COL13A1: variants seen among roughly 807,000 people sequenced by gnomAD.
The protein encoded by COL13A1 is collagen type XIII alpha 1 chain.
COL13A1 carries 89 observed loss-of-function variants against 130.9 expected under a neutral mutation model. That is an observed-to-expected ratio of 0.68 (90% CI 0.57 to 0.81). The LOEUF is 0.81. Among genes scored for constraint, COL13A1 ranks in the 30% least tolerant of loss-of-function variants. COL13A1 has a pLI of 0.00. For synonymous variants in COL13A1, 402 were observed against 341.6 expected (o/e 1.18, Z -1.95); for missense variants, 879 against 934.6 (o/e 0.94, Z 0.78).
intron 17 of COL13A1, among the ~76,000 whole-genome samples, chr10:69,914,653 C>T (rs193154868): frequency 6.6e-6 from 1 of 152,296 alleles, no homozygotes; most frequent in Admixed American, 6.5e-5. Flanking sequence ...CCCACCTGCA[C>T]CCACACCAGA....
chr10:69,922,683 T>C, intron 22 of COL13A1, 25 bp from the exon 23 acceptor site: 1 of 1,576,106 alleles, frequency 6.3e-7, no homozygotes, highest in Non-Finnish European at 8.6e-7. Context: ...ACACCAGGGA[T>C]GCTAACTCCA....
Position 69,904,905 on chromosome 10 carries a change from C to CTTTTTTTTT in COL13A1, c.859-19_859-11dup, listed in dbSNP as rs60054259. 2.0e-4 allele frequency: 297 copies of CTTTTTTTTT among 1,475,622 alleles called. 3 individuals carry two copies. The highest frequency in any genetic ancestry group is 6.8e-4 in the Admixed American group (31 of 45,332). 91.4% of individuals were successfully genotyped at this position (1,475,622 alleles called of 1,614,324 possible). ...CAGCTCTACTCACCTTTTCTTTTTT[C>CTTTTTTTTT]TTTTTTTTTTTTTTTTTGCTTCCAC... On this transcript the variant is annotated intron_variant, in intron 15 of 40. Transcript: ENST00000645393.
chr10:69,841,308 C>G (rs559458718), intron 2 of COL13A1, among the ~76,000 whole-genome samples: 2 of 152,286 alleles, frequency 1.3e-5, no homozygotes, highest in East Asian at 1.9e-4. Context: ...CTGCCACTGC[C>G]GAAAGCTTCC....
At chr10:69,818,903 A>G (rs923059793) in intron 1 of COL13A1, among the ~76,000 whole-genome samples, 2 of 152,222 alleles carry the variant, frequency 1.3e-5, no homozygotes, top group African/African-American at 2.4e-5. Flanking sequence ...TTTCCCAGCT[A>G]TCTGGGCATC....
At chr10:69,952,617 A>C (rs1052861112) in intron 38 of COL13A1, among the ~76,000 whole-genome samples, 2 of 152,164 alleles carry the variant, frequency 1.3e-5, no homozygotes, top group Non-Finnish European at 2.9e-5. Flanking sequence ...CAAAATCTTC[A>C]GTCTGTGGTT....
chr10:69,812,952 C>A (rs1843431267), intron 1 of COL13A1, among the ~76,000 whole-genome samples: 1 of 152,204 alleles, frequency 6.6e-6, no homozygotes, highest in Non-Finnish European at 1.5e-5. Flanking sequence ...GCTCTCAGCT[C>A]CTTGCCCCTT....
Position 69,894,594 on chromosome 10 carries a change from A to G in COL13A1, c.630+16A>G. On this transcript the variant is annotated intron_variant, in intron 11 of 40. Coordinates refer to ENST00000645393, the MANE Select transcript of COL13A1 (RefSeq NM_001368882.1). ...AGGACAGCCGGTTGGTACCTCATCC[A>G]TCTATTTCCCAGCAGAGAAGCTTCC... The G allele has an allele frequency of 6.2e-7, 1 of 1,613,992 alleles. No homozygotes were observed. Among genetic ancestry groups the G allele is most frequent in the Non-Finnish European group, 8.5e-7 (1 of 1,179,898 alleles).
intron 2 of COL13A1, among the ~76,000 whole-genome samples, chr10:69,841,076 C>T (rs947647670): frequency 6.6e-6 from 1 of 152,018 alleles, no homozygotes; most frequent in African/African-American, 2.4e-5. Flanking sequence ...GCCCCCCTGC[C>T]CCACTTCCCT....
intron 21 of COL13A1, 107 bp downstream of exon 21, chr10:69,919,834 G>T: frequency 2.5e-6 from 1 of 398,156 alleles, no homozygotes; most frequent in Non-Finnish European, 4.4e-6. Flanking sequence ...CGTGCTGTTG[G>T]TGCATGTGTT....
intron 2 of COL13A1, among the ~76,000 whole-genome samples, chr10:69,844,615 T>C (rs2133335876): frequency 1.3e-5 from 2 of 152,326 alleles, no homozygotes; most frequent in East Asian, 1.9e-4. Context: ...AAAGTGACCC[T>C]AGAGAAGGGT....
At chr10:69,851,612 TTTTTA>T (rs1854838660) in intron 2 of COL13A1, among the ~76,000 whole-genome samples, 3 of 152,122 alleles carry the variant, frequency 2.0e-5, no homozygotes, top group Non-Finnish European at 2.9e-5. Context: ...TGAACTGAAT[TTTTTA>T]TTTTATTTCC....
At chr10:69,921,854 C>G (rs2064721596) in intron 21 of COL13A1, 28 bp from the exon 22 acceptor site, 1 of 1,594,876 alleles carries the variant, frequency 6.3e-7, no homozygotes, top group Non-Finnish European at 8.5e-7. Context: ...CAGTTCCTAA[C>G]CCCCACACTG....
chr10:69,940,356 A>G (rs2067456404), intron 34 of COL13A1, among the ~76,000 whole-genome samples: 1 of 152,206 alleles, frequency 6.6e-6, no homozygotes, highest in Admixed American at 6.5e-5. Context: ...TGAGCATCTC[A>G]GACTGTAAAG....
chr10:69,854,368 C>A (rs977213069), intron 2 of COL13A1, among the ~76,000 whole-genome samples: 3 of 152,098 alleles, frequency 2.0e-5, no homozygotes, highest in African/African-American at 7.2e-5. Flanking sequence ...GAGTTCAAGA[C>A]CAGCCTAGGC....
intron 36 of COL13A1, among the ~76,000 whole-genome samples, chr10:69,944,694 G>GAAAGAAAAAGAA (rs370078177): frequency 6.7e-6 from 1 of 149,034 alleles, no homozygotes; most frequent in Non-Finnish European, 1.5e-5. Flanking sequence ...AAGAAAGAAA[G>GAAAGAAAAAGAA]AAAGAAAAAG....
chr10:69,955,227 A>C (rs2070411441), intron 39 of COL13A1: 1 of 152,244 alleles, frequency 6.6e-6, no homozygotes, highest in Admixed American at 6.5e-5. Flanking sequence ...TTTTAGGAGG[A>C]GCATAGGCAA....
chr10:69,880,798 A>AAGG (rs2060059198), intron 7 of COL13A1, among the ~76,000 whole-genome samples: 2 of 152,226 alleles, frequency 1.3e-5, no homozygotes, highest in Admixed American at 6.5e-5. Context: ...CCCTCTAGCC[A>AAGG]CGAAACTACA....
chr10:69,884,534 A>G (rs1370832447), intron 7 of COL13A1, among the ~76,000 whole-genome samples: 1 of 152,092 alleles, frequency 6.6e-6, no homozygotes, highest in African/African-American at 2.4e-5. Flanking sequence ...TGCAAGTAGG[A>G]GAAAGACAGG....
chr10:69,937,335 A>C (rs2067068693), intron 33 of COL13A1, among the ~76,000 whole-genome samples: 1 of 152,102 alleles, frequency 6.6e-6, no homozygotes, highest in African/African-American at 2.4e-5. Context: ...AAATCTCTGT[A>C]AGGTTCCCAT....
Sources: gnomAD v4.1 joint callset for allele counts (sites outside exome capture counted in the v4.1 genomes callset) on GRCh38, gnomAD v4.1.1 for gene constraint, MANE v1.5 for transcripts, NCBI Gene and HGNC (gene_info 2026-07-23, HGNC 2026-07-21) for gene names.